The following NTSR1 variants were observed in gnomAD, a reference collection of about 807,000 sequenced individuals.
The protein encoded by NTSR1 is neurotensin receptor 1.
In NTSR1, 29 loss-of-function variants were observed where a neutral mutation model predicts 31.2. The observed-to-expected ratio is 0.93, with a 90% CI of 0.69 to 1.27. NTSR1 has a LOEUF of 1.27. Among genes scored for constraint, NTSR1 ranks in the 50% most tolerant of loss-of-function variants. The pLI is 0.00. For missense variants in NTSR1, 697 were observed against 595.4 expected (o/e 1.17, Z -1.78); for synonymous variants, 282 against 269.9 (o/e 1.04, Z -0.44).
chr20:62,749,300 G>C (rs1231485619), intron 1 of NTSR1, among the ~76,000 whole-genome samples: 1 of 152,136 alleles, frequency 6.6e-6, no homozygotes, highest in Non-Finnish European at 1.5e-5. Flanking sequence ...AATTAGCCGG[G>C]TGTGGTGGCG....
chr20:62,725,397 G>A (rs1988889123), intron 1 of NTSR1, among the ~76,000 whole-genome samples: 1 of 152,248 alleles, frequency 6.6e-6, no homozygotes, highest in Non-Finnish European at 1.5e-5. Flanking sequence ...GTGGGAAGCG[G>A]GAGGCGGGAG....
chr20:62,727,157 G>T (rs1219157640), intron 1 of NTSR1, among the ~76,000 whole-genome samples: 1 of 152,136 alleles, frequency 6.6e-6, no homozygotes, highest in Non-Finnish European at 1.5e-5. Flanking sequence ...GCCAGGGCAG[G>T]ACACACCAGC....
chr20:62,735,016 C>T (rs962797943), intron 1 of NTSR1, among the ~76,000 whole-genome samples: 2 of 152,148 alleles, frequency 1.3e-5, no homozygotes, highest in Non-Finnish European at 2.9e-5. Flanking sequence ...TGGGGTGCCG[C>T]GTGCGGGGTG....
chr20:62,714,031 C>T lies in NTSR1; in HGVS notation c.714+4110C>T, dbSNP rs1280074234. On this transcript the variant is annotated intron_variant, in intron 1 of 3. Coordinates refer to ENST00000370501, the MANE Select transcript of NTSR1 (RefSeq NM_002531.3). The surrounding 1 kb of genome is among the most constrained non-coding windows in gnomAD (Gnocchi z 4.1). ...AGGAGAATCGCTTGAGCTTGGGAGG[C>T]GGAGGTTGCAGTGAGCCAAGATCAC... is the stretch of plus-strand genomic sequence containing the variant. Among the ~76,000 whole-genome samples, 1 of 152,142 alleles carries T rather than the reference C, an allele frequency of 6.6e-6. No individual in the cohort carries two copies. The highest frequency in any genetic ancestry group is 6.5e-5 in the Admixed American group (1 of 15,272).
At chr20:62,716,080 G>A (rs183286282) in intron 1 of NTSR1, among the ~76,000 whole-genome samples, 1 of 152,358 alleles carries the variant, frequency 6.6e-6, no homozygotes, top group Admixed American at 6.5e-5. Context: ...TTTACCATCT[G>A]GAAGGGCACA....
At chr20:62,719,574 A>G (rs1374988745) in intron 1 of NTSR1, among the ~76,000 whole-genome samples, 2 of 148,092 alleles carry the variant, frequency 1.4e-5, no homozygotes, top group Non-Finnish European at 3.0e-5. Context: ...CCTGTTAAAC[A>G]CTAACTCCCC....
rs775310915 is a variant in NTSR1 at position 62,709,641 on chromosome 20, A to G, written c.434A>G (p.Tyr145Cys). 4 of 1,612,318 alleles carry G rather than the reference A, an allele frequency of 2.5e-6. No individual in the cohort carries two copies. The highest frequency in any genetic ancestry group is 3.3e-5 in the Admixed American group (2 of 60,018). Residue 145 changes from tyrosine to cysteine, a missense_variant, in exon 1 of 4, where the codon TAC (tyrosine) becomes TGC (cysteine). Physicochemically the swap from Tyr to Cys is radical, Grantham distance 194 (BLOSUM62 -2). Coordinates refer to ENST00000370501, the MANE Select transcript of NTSR1 (RefSeq NM_002531.3). ...AFGDAGCRGY[Y>C]FLRDACTYAT... The stretch of plus-strand genomic sequence containing the variant: ...GGCGACGCCGGCTGCCGCGGCTACT[A>G]CTTCCTGCGCGACGCCTGCACCTAC...
chr20:62,712,223 C>T (rs904694402), intron 1 of NTSR1, among the ~76,000 whole-genome samples: 17 of 152,200 alleles, frequency 1.1e-4, no homozygotes, highest in African/African-American at 3.6e-4. Context: ...ACGGTCCCCA[C>T]GTGGGCTTCT....
intron 1 of NTSR1, among the ~76,000 whole-genome samples, chr20:62,731,168 T>C (rs893440794): frequency 3.3e-5 from 5 of 152,080 alleles, no homozygotes; most frequent in African/African-American, 1.2e-4. Context: ...CACCACAACC[T>C]CCGCCTCCCG....
intron 1 of NTSR1, among the ~76,000 whole-genome samples, chr20:62,727,508 G>C (rs934773384): frequency 3.9e-5 from 6 of 152,194 alleles, no homozygotes; most frequent in Non-Finnish European, 8.8e-5. Context: ...CACCTTGCCC[G>C]GCCGCCGGGC....
chr20:62,751,510 G>A (rs370567072), intron 1 of NTSR1, among the ~76,000 whole-genome samples: 1 of 152,348 alleles, frequency 6.6e-6, no homozygotes, highest in African/African-American at 2.4e-5. Context: ...CCGCTTCACC[G>A]GTGCTGGCTT....
chr20:62,710,108 C>G (rs1190363812), intron 1 of NTSR1, among the ~76,000 whole-genome samples, 187 bp downstream of exon 1: 1 of 152,236 alleles, frequency 6.6e-6, no homozygotes, highest in Non-Finnish European at 1.5e-5. Context: ...CTATCTTCTT[C>G]CCTCCTGTTG....
At chr20:62,754,913 G>A (rs1989458721) in intron 2 of NTSR1, 27 bp downstream of exon 2, 2 of 1,557,228 alleles carry the variant, frequency 1.3e-6, no homozygotes, top group Non-Finnish European at 1.7e-6. Context: ...CCCTCCAGGG[G>A]CGGGAGGCAG....
intron 1 of NTSR1, among the ~76,000 whole-genome samples, chr20:62,751,871 C>T (rs1307281416): frequency 3.3e-5 from 5 of 152,170 alleles, no homozygotes; most frequent in African/African-American, 7.2e-5. Context: ...GTCTTCTCCC[C>T]GATGATCTGG....
chr20:62,715,293 G>A lies in NTSR1; in HGVS notation c.714+5372G>A, dbSNP rs937529560. Among the ~76,000 whole-genome samples the A allele has an allele frequency of 1.3e-5, 2 of 152,192 alleles. No individual in the cohort carries two copies. Among genetic ancestry groups the A allele is most frequent in the South Asian group, 2.1e-4 (1 of 4,834 alleles). ...ACCTGCCTGTTGGAGCCAGGTGGGA[G>A]ACGGCAGGGTGAGGACGTGCAGACA... On this transcript the variant is annotated intron_variant, in intron 1 of 3. Coordinates refer to ENST00000370501, the MANE Select transcript of NTSR1 (RefSeq NM_002531.3). The surrounding 1 kb of genome is among the most constrained non-coding windows in gnomAD (Gnocchi z 4.7).
chr20:62,754,520 A>C (rs1273878523), intron 1 of NTSR1, among the ~76,000 whole-genome samples, 165 bp from the exon 2 acceptor site: 1 of 152,174 alleles, frequency 6.6e-6, no homozygotes, highest in African/African-American at 2.4e-5. Context: ...AGGGGTGGCC[A>C]TGTCTTCCGG....
chr20:62,716,024 T>C lies in NTSR1; in HGVS notation c.714+6103T>C, dbSNP rs189595224. On this transcript the variant is annotated intron_variant, in intron 1 of 3. Transcript: ENST00000370501. ...ATTAAGAGAAGAAAGAAGCTTTTCTTTATTTTTGATTCATGGTGAAACACA... is the reference window on the plus strand; with the variant it reads ...ATTAAGAGAAGAAAGAAGCTTTTCTCTATTTTTGATTCATGGTGAAACACA... Among the ~76,000 whole-genome samples the C allele has an allele frequency of 4.3e-3, 650 of 152,314 alleles. 2 individuals are homozygous for C. The highest frequency in any genetic ancestry group is 0.014 in the Middle Eastern group (4 of 294).
chr20:62,727,104 G>A (rs998825674), intron 1 of NTSR1, among the ~76,000 whole-genome samples: 18 of 152,168 alleles, frequency 1.2e-4, no homozygotes, highest in African/African-American at 4.1e-4. Flanking sequence ...TGGAGTCCCC[G>A]AGAGACCGCC....
chr20:62,752,769 T>C (rs1321848712), intron 1 of NTSR1, among the ~76,000 whole-genome samples: 6 of 152,172 alleles, frequency 3.9e-5, no homozygotes, highest in Non-Finnish European at 7.3e-5. Context: ...AGGCTGGGCC[T>C]GGCCTCCCCT....
Sources: allele counts gnomAD v4.1 joint callset (sites outside exome capture counted in the v4.1 genomes callset), GRCh38; gene constraint gnomAD v4.1.1; non-coding constraint Gnocchi (gnomAD v3.1); transcripts MANE v1.5; gene names NCBI Gene and HGNC (gene_info 2026-07-23, HGNC 2026-07-21).